The following CLYBL variants were observed in gnomAD, a reference collection of about 807,000 sequenced individuals.
The protein encoded by CLYBL is citramalyl-CoA lyase, mitochondrial.
Under a neutral mutation model 38.9 loss-of-function variants are expected in CLYBL, and 31 were observed. The observed-to-expected ratio is 0.80, with a 90% CI of 0.60 to 1.08. The LOEUF is 1.08. Ranked by LOEUF, CLYBL falls within the 50% of genes least tolerant of loss-of-function variation. The probability of loss-of-function intolerance (pLI) is 0.00; values close to 1 mark genes in which losing one functional copy is unlikely to be tolerated. For synonymous variants in CLYBL, 171 were observed against 158.6 expected (o/e 1.08, Z -0.59); for missense variants, 434 against 411.6 (o/e 1.05, Z -0.47).
intron 2 of CLYBL, among the ~76,000 whole-genome samples, chr13:99,779,258 T>C (rs2049588231): frequency 6.6e-6 from 1 of 152,120 alleles, no homozygotes; most frequent in Non-Finnish European, 1.5e-5. Flanking sequence ...TTCTCCTGCC[T>C]CAGCCTCCCA....
intron 2 of CLYBL, among the ~76,000 whole-genome samples, chr13:99,787,330 T>G (rs1383211983): frequency 2.0e-5 from 3 of 152,230 alleles, no homozygotes; most frequent in Non-Finnish European, 2.9e-5. Flanking sequence ...TTTATGGTTT[T>G]AGGTCTAACA....
At chr13:99,840,099 A>G (rs1329272980) in intron 2 of CLYBL, among the ~76,000 whole-genome samples, 1 of 151,488 alleles carries the variant, frequency 6.6e-6, no homozygotes, top group Non-Finnish European at 1.5e-5. Context: ...GGCTTCAAAC[A>G]CAGTCCCAAC....
chr13:99,710,499 T>TG (rs1225585429), intron 1 of CLYBL, among the ~76,000 whole-genome samples: 1 of 152,162 alleles, frequency 6.6e-6, no homozygotes, highest in African/African-American at 2.4e-5. Flanking sequence ...ATGAAGACAA[T>TG]GTAGGACAAG....
At chr13:99,628,136 A>C (rs1254605525) in intron 1 of CLYBL, among the ~76,000 whole-genome samples, 1 of 152,256 alleles carries the variant, frequency 6.6e-6, no homozygotes, top group East Asian at 1.9e-4. Flanking sequence ...GCCTGTAGAC[A>C]AAACTCGTGT....
chr13:99,818,446 AACAC>A (rs57249330), intron 2 of CLYBL, among the ~76,000 whole-genome samples: 6,539 of 143,252 alleles, frequency 0.046, 321 homozygotes, highest in African/African-American at 0.12. Flanking sequence ...TGGAGCAGAA[AACAC>A]ACACACACAC....
intron 1 of CLYBL, among the ~76,000 whole-genome samples, chr13:99,747,345 C>T (rs2048871245): frequency 6.6e-6 from 1 of 151,456 alleles, no homozygotes; most frequent in African/African-American, 2.4e-5. Flanking sequence ...TCTCTCTCAC[C>T]TGCTCTCAAA....
intron 2 of CLYBL, among the ~76,000 whole-genome samples, chr13:99,814,325 C>T (rs2050399105): frequency 6.6e-6 from 1 of 152,144 alleles, no homozygotes; most frequent in Non-Finnish European, 1.5e-5. Context: ...AGAACTCACC[C>T]AAGATCATGT....
chr13:99,879,627 A>C (rs775059734), intron 7 of CLYBL, among the ~76,000 whole-genome samples: 13 of 152,264 alleles, frequency 8.5e-5, no homozygotes, highest in Non-Finnish European at 1.9e-4. Context: ...GGAGACAACT[A>C]AATCTATGAT....
intron 8 of CLYBL, among the ~76,000 whole-genome samples, chr13:99,902,435 G>A (rs1205243539): frequency 6.6e-6 from 1 of 152,118 alleles, no homozygotes; most frequent in Non-Finnish European, 1.5e-5. Context: ...CCAATGAATG[G>A]GCTATGAATT....
At chr13:99,747,471 G>A (rs2048873803) in intron 1 of CLYBL, among the ~76,000 whole-genome samples, 3 of 152,012 alleles carry the variant, frequency 2.0e-5, no homozygotes, top group Admixed American at 2.0e-4. Flanking sequence ...CCTCAAAGGA[G>A]CTACCGGGTG....
chr13:99,868,694 A>C (rs2051812092), intron 6 of CLYBL, among the ~76,000 whole-genome samples: 1 of 152,190 alleles, frequency 6.6e-6, no homozygotes, highest in Non-Finnish European at 1.5e-5. Flanking sequence ...AAATCAATGC[A>C]TTGGCTGTAT....
chr13:99,866,074 G>A lies in CLYBL; in HGVS notation c.635-166G>A, dbSNP rs186325886. The stretch of plus-strand genomic sequence containing the variant: ...ACAGACACATTCGAGGTTTAACTTG[G>A]CCTCCACGCGTCCCTGTCTTCATTT... On this transcript the variant is annotated intron_variant, in intron 5 of 8. Transcript: ENST00000339105. 1.2e-4 allele frequency among the ~76,000 whole-genome samples: 19 copies of A among 152,282 alleles called. No individual in the cohort carries two copies. In the East Asian group the frequency reaches 3.5e-3, roughly 28 times the overall value.
chr13:99,711,474 A>G (rs2048231463), intron 1 of CLYBL, among the ~76,000 whole-genome samples: 1 of 144,608 alleles, frequency 6.9e-6, no homozygotes, highest in Non-Finnish European at 1.5e-5. Flanking sequence ...CAATGGCGCA[A>G]TCTCGGCACG....
chr13:99,881,496 C>T (rs770528973), intron 7 of CLYBL, among the ~76,000 whole-genome samples: 14 of 152,106 alleles, frequency 9.2e-5, no homozygotes, highest in Non-Finnish European at 1.9e-4. Context: ...GATCATGGCT[C>T]ACTTCAGCCT....
At chr13:99,664,403 A>C (rs1464539576) in intron 1 of CLYBL, among the ~76,000 whole-genome samples, 2 of 152,250 alleles carry the variant, frequency 1.3e-5, no homozygotes, top group African/African-American at 4.8e-5. Flanking sequence ...GAAATAATTC[A>C]TATAAACATG....
intron 1 of CLYBL, among the ~76,000 whole-genome samples, chr13:99,612,468 A>G (rs1594082311): frequency 2.1e-5 from 3 of 144,036 alleles, no homozygotes; most frequent in Middle Eastern, 3.8e-3. Context: ...GCTCACTGCA[A>G]CCTCCACATT....
chr13:99,669,296 C>A (rs2047530745), intron 1 of CLYBL, among the ~76,000 whole-genome samples: 1 of 152,170 alleles, frequency 6.6e-6, no homozygotes, highest in African/African-American at 2.4e-5. Flanking sequence ...GCTGCCGCGC[C>A]CGGCCAGGTC....
chr13:99,906,345 A>G (rs1342643956), intron 9 of CLYBL, among the ~76,000 whole-genome samples: 1 of 152,210 alleles, frequency 6.6e-6, no homozygotes, highest in Non-Finnish European at 1.5e-5. Context: ...GTTGTTTTAC[A>G]TAAGAATAAT....
intron 1 of CLYBL, among the ~76,000 whole-genome samples, chr13:99,772,151 A>T (rs538915899): frequency 9.2e-5 from 14 of 151,928 alleles, no homozygotes; most frequent in African/African-American, 3.1e-4. Context: ...TGTAGATAGT[A>T]TTGTTGTTTA....
Sources: allele counts gnomAD v4.1 joint callset (sites outside exome capture counted in the v4.1 genomes callset), GRCh38; gene constraint gnomAD v4.1.1; transcripts MANE v1.5; gene names NCBI Gene and HGNC (gene_info 2026-07-23, HGNC 2026-07-21).